Variants in CCDC7 observed in about 807,000 individuals in gnomAD.
The protein encoded by CCDC7 is coiled-coil domain-containing protein 7.
Under a neutral mutation model 196.9 loss-of-function variants are expected in CCDC7, and 183 were observed. That is an observed-to-expected ratio of 0.93 (90% CI 0.82 to 1.05). The LOEUF (loss-of-function observed/expected upper bound fraction) is 1.05, where lower values mean the gene tolerates loss of function less well. CCDC7 is among the 50% of genes least tolerant of loss of function. The pLI is 0.00. For synonymous variants in CCDC7, 525 were observed against 484.6 expected (o/e 1.08, Z -1.10); for missense variants, 1,540 against 1,482.2 (o/e 1.04, Z -0.64).
intron 32 of CCDC7, among the ~76,000 whole-genome samples, chr10:32,828,257 T>A (rs530028755): frequency 3.0e-4 from 45 of 152,186 alleles, no homozygotes; most frequent in Admixed American, 1.0e-3. Flanking sequence ...TTATAACTCC[T>A]GTCTCCCTAA....
At position 32,871,392 on chromosome 10, in the gene CCDC7, G is replaced by A. The variant is rs571229667; in HGVS notation, c.4112-4955G>A. Among the ~76,000 whole-genome samples, 1,283 of 152,200 alleles carry A rather than the reference G, an allele frequency of 8.4e-3. 7 individuals carry two copies. The highest frequency in any genetic ancestry group is 0.02 in the Middle Eastern group (6 of 294). On this transcript the variant is annotated intron_variant, in intron 41 of 41. Transcript: ENST00000639629. ...GATTTTCTAGTTTATTTGCGTAGAG[G>A]TGTTTATAGTATTCTCTGATGGTAG...
intron 41 of CCDC7, among the ~76,000 whole-genome samples, chr10:32,874,783 C>CACACAT (rs753626170): frequency 2.8e-5 from 4 of 143,322 alleles, no homozygotes; most frequent in Non-Finnish European, 6.2e-5. Context: ...CACACACACA[C>CACACAT]ATATATACAC....
intron 20 of CCDC7, among the ~76,000 whole-genome samples, chr10:32,657,035 C>G (rs7090236): frequency 0.14 from 21,822 of 152,276 alleles, 1,903 homozygotes; most frequent in African/African-American, 0.25. Context: ...TCTTCTTTGA[C>G]TTCATGTCTC....
chr10:32,774,288 C>A (rs2079611974), intron 28 of CCDC7, among the ~76,000 whole-genome samples: 1 of 151,792 alleles, frequency 6.6e-6, no homozygotes, highest in Non-Finnish European at 1.5e-5. Flanking sequence ...TAGAACCTTC[C>A]CCTTTTTTTT....
chr10:32,816,401 C>A (rs4534464), intron 31 of CCDC7, among the ~76,000 whole-genome samples: 21,040 of 152,228 alleles, frequency 0.14, 1,756 homozygotes, highest in East Asian at 0.25. Context: ...GTAGACTCCA[C>A]CTCTGGGGGC....
rs375260064 is a variant in CCDC7 at position 32,726,718 on chromosome 10, G to C, written c.2570-16G>C. On this transcript the variant is annotated splice_polypyrimidine_tract_variant and intron_variant, in intron 25 of 41. Coordinates refer to ENST00000639629, the Ensembl canonical transcript of CCDC7. Reference sequence around the variant, plus strand: ...TAGCGGACTAAATGTATCTCTTTATGTGGTTCATTTTGTAGTACCAGATAA... The same window carrying C: ...TAGCGGACTAAATGTATCTCTTTATCTGGTTCATTTTGTAGTACCAGATAA... The C allele has an allele frequency of 1.3e-5, 18 of 1,424,732 alleles. No individual in the cohort carries two copies. Among genetic ancestry groups the C allele is most frequent in the Non-Finnish European group, 1.8e-5 (18 of 1,015,032 alleles). The allele number at this position is 1,424,732 out of a possible 1,614,324, so 88.3% of individuals were successfully genotyped here.
At chr10:32,449,535 C>T (rs1190626693), upstream of CCDC7, among the ~76,000 whole-genome samples, 1 of 151,810 alleles carries the variant, frequency 6.6e-6, no homozygotes, top group Non-Finnish European at 1.5e-5. Context: ...GTTGTTTTGG[C>T]CTGTGAGCTC....
chr10:32,709,999 A>T (rs747190422), intron 24 of CCDC7, among the ~76,000 whole-genome samples: 1 of 152,216 alleles, frequency 6.6e-6, no homozygotes, highest in Non-Finnish European at 1.5e-5. Context: ...GGAAGAGAGC[A>T]TGGGTTTGCC....
At chr10:32,728,891 T>C (rs769239053) in exon 27 of CCDC7, 4 of 1,577,756 alleles carry the variant, frequency 2.5e-6, no homozygotes, top group Non-Finnish European at 3.5e-6. Flanking sequence ...ATATAGCTCG[T>C]ATTGTAGTAC....
rs11009058 is a variant in CCDC7, at chr10:32,741,387, T to C, written c.2905+11930T>C. ...TTAAAATTAGGAGAAGTTTGTTCTTTGGTTCATGAGTCTGTATACAGTCAT... is the reference window on the plus strand; with the variant it reads ...TTAAAATTAGGAGAAGTTTGTTCTTCGGTTCATGAGTCTGTATACAGTCAT... On this transcript the variant is annotated intron_variant, in intron 28 of 41. Transcript: ENST00000639629. Among the ~76,000 whole-genome samples, 1,160 of 152,310 alleles carry C rather than the reference T, an allele frequency of 7.6e-3. 50 individuals carry two copies. In the East Asian group the frequency reaches 0.12, roughly 15 times the overall value.
At chr10:32,866,579 C>G (rs1175960667) in intron 41 of CCDC7, among the ~76,000 whole-genome samples, 1 of 150,934 alleles carries the variant, frequency 6.6e-6, no homozygotes, top group Admixed American at 6.6e-5. Context: ...AAAATAAAAT[C>G]TATGAGCTCT....
intron 18 of CCDC7, among the ~76,000 whole-genome samples, chr10:32,623,155 C>T (rs1343177283): frequency 6.6e-6 from 1 of 152,120 alleles, no homozygotes; most frequent in Non-Finnish European, 1.5e-5. Context: ...ACTCTTACTA[C>T]ATTTTGTTTG....
chr10:32,874,556 A>G (rs1205145775), intron 41 of CCDC7, among the ~76,000 whole-genome samples: 1 of 151,640 alleles, frequency 6.6e-6, no homozygotes, highest in Non-Finnish European at 1.5e-5. Context: ...GATTCGAATT[A>G]CTTCACTTAG....
chr10:32,698,155 A>T (rs939938244), intron 24 of CCDC7, among the ~76,000 whole-genome samples: 1 of 152,142 alleles, frequency 6.6e-6, no homozygotes, highest in Non-Finnish European at 1.5e-5. Context: ...AATGGCATCA[A>T]TATCAACAAA....
chr10:32,850,404 G>C (rs2093505619), intron 39 of CCDC7, among the ~76,000 whole-genome samples: 2 of 152,188 alleles, frequency 1.3e-5, no homozygotes, highest in South Asian at 4.1e-4. Flanking sequence ...AGAGCAGCAT[G>C]CGGGCAAGCC....
chr10:32,622,992 G>C (rs2063574672), intron 18 of CCDC7, among the ~76,000 whole-genome samples: 1 of 152,108 alleles, frequency 6.6e-6, no homozygotes, highest in South Asian at 2.1e-4. Context: ...TCAAATGGTT[G>C]ATGACAATTC....
At chr10:32,745,908 A>G (rs1010790390) in intron 28 of CCDC7, among the ~76,000 whole-genome samples, 2 of 152,154 alleles carry the variant, frequency 1.3e-5, no homozygotes, top group South Asian at 2.1e-4. Context: ...TGTAGTTTCT[A>G]CTATAGATTT....
chr10:32,767,271 G>T (rs1048522965), intron 28 of CCDC7, among the ~76,000 whole-genome samples: 6 of 151,882 alleles, frequency 4.0e-5, no homozygotes, highest in African/African-American at 1.5e-4. Flanking sequence ...ACTGTTCTGG[G>T]GATTGTAAGA....
chr10:32,598,620 G>A (rs1375921836), intron 18 of CCDC7, among the ~76,000 whole-genome samples: 1 of 152,134 alleles, frequency 6.6e-6, no homozygotes, highest in Non-Finnish European at 1.5e-5. Context: ...CCATCTTGGT[G>A]CCACCCCTGT....
Sources: allele counts gnomAD v4.1 joint callset (sites outside exome capture counted in the v4.1 genomes callset), GRCh38; gene constraint gnomAD v4.1.1; transcripts MANE v1.5; gene names NCBI Gene and HGNC (gene_info 2026-07-23, HGNC 2026-07-21).